The following WDR35 variants were observed in gnomAD, a reference collection of about 807,000 sequenced individuals.
WDR35 encodes the protein WD repeat-containing protein 35.
A neutral mutation model predicts 158.3 loss-of-function variants in WDR35; 118 were observed. The observed-to-expected ratio is 0.75, with a 90% CI of 0.64 to 0.87. WDR35 has a LOEUF of 0.87. Ranked by LOEUF, WDR35 falls within the 40% of genes least tolerant of loss-of-function variation. WDR35 has a pLI of 0.00. For missense variants in WDR35, 1,263 were observed against 1,405.8 expected (o/e 0.90, Z 1.62); for synonymous variants, 448 against 476.1 (o/e 0.94, Z 0.77).
intron 10 of WDR35, 134 bp from the exon 11 acceptor site, chr2:19,960,748 C>T (rs1425378316): frequency 3.0e-6 from 2 of 660,192 alleles, no homozygotes; most frequent in Non-Finnish European, 5.2e-6. Flanking sequence ...CTGTTACGTG[C>T]AAAAAATAGC....
chr2:19,930,685 T>C, intron 24 of WDR35, 133 bp from the exon 25 acceptor site: 1 of 1,347,492 alleles, frequency 7.4e-7, no homozygotes, highest in Non-Finnish European at 1.0e-6. Context: ...ACAGACTTTT[T>C]TTTTTAAGAG....
At chr2:19,963,537 G>A (rs562532273) in intron 10 of WDR35, among the ~76,000 whole-genome samples, 1 of 151,982 alleles carries the variant, frequency 6.6e-6, no homozygotes, top group Non-Finnish European at 1.5e-5. Context: ...TGACTCACTG[G>A]ACACACTGCA....
At chr2:19,989,522 CAG>C (rs1326441926) in intron 1 of WDR35, among the ~76,000 whole-genome samples, 3 of 152,218 alleles carry the variant, frequency 2.0e-5, no homozygotes. Context: ...AAGCCAACGC[CAG>C]AGTCTCACCG....
chr2:19,984,487 A>G (rs188360952), intron 2 of WDR35, among the ~76,000 whole-genome samples: 172 of 152,360 alleles, frequency 1.1e-3, no homozygotes, highest in Non-Finnish European at 1.8e-3. Flanking sequence ...CTAAAAGCAC[A>G]TAACAGTAAT....
intron 25 of WDR35, among the ~76,000 whole-genome samples, chr2:19,925,349 T>A (rs1446107720): frequency 1.3e-5 from 2 of 152,130 alleles, no homozygotes; most frequent in African/African-American, 4.8e-5. Context: ...CTGCCATATG[T>A]GGGAATGGGG....
At chr2:19,950,969 CTATT>C (rs894590221) in intron 13 of WDR35, among the ~76,000 whole-genome samples, 2 of 152,182 alleles carry the variant, frequency 1.3e-5, no homozygotes, top group African/African-American at 4.8e-5. Context: ...ATTTCAAAAA[CTATT>C]TACTGAAATA....
At position 19,938,827 on chromosome 2, in the gene WDR35, G is replaced by A. The variant is rs185052963; in HGVS notation, c.1927-426C>T. ...TCTCCTGCTTCAGAATTTTGAACAGGTGTACCATCCTGACTGAATCACAGC... is the reference window on the plus strand; with the variant it reads ...TCTCCTGCTTCAGAATTTTGAACAGATGTACCATCCTGACTGAATCACAGC... On this transcript the variant is annotated intron_variant, in intron 17 of 26. Transcript: ENST00000281405. Among the ~76,000 whole-genome samples, 338 of 152,190 alleles carry A rather than the reference G, an allele frequency of 2.2e-3. 1 individual carries two copies. Among genetic ancestry groups the A allele is most frequent in the African/African-American group, 7.8e-3 (324 of 41,520 alleles).
At chr2:19,913,758 T>C in intron 26 of WDR35, 50 bp from the exon 27 acceptor site, 1 of 1,611,362 alleles carries the variant, frequency 6.2e-7, no homozygotes, top group Non-Finnish European at 8.5e-7. Flanking sequence ...TTCTCATTAG[T>C]CTAACTTTAT....
chr2:19,964,884 A>G (rs1671799053), intron 10 of WDR35, among the ~76,000 whole-genome samples: 2 of 152,002 alleles, frequency 1.3e-5, no homozygotes, highest in Admixed American at 6.6e-5. Context: ...TATGGATGTA[A>G]TATCTCTTAA....
chr2:19,952,061 A>T (rs1277528988), intron 12 of WDR35: 4 of 152,904 alleles, frequency 2.6e-5, no homozygotes, highest in Non-Finnish European at 5.8e-5. Flanking sequence ...CAGTTCTGTT[A>T]TATGGATATA....
chr2:19,962,421 C>T (rs1671692487), intron 10 of WDR35: 8 of 1,224,736 alleles, frequency 6.5e-6, no homozygotes, highest in South Asian at 2.5e-5. Flanking sequence ...GGCTTATATA[C>T]AAATAATCAT....
At position 19,911,668 on chromosome 2, in the gene WDR35, G is replaced by A. The variant is rs1271817270; in HGVS notation, c.*1890C>T. ...GGAGACTTATTAGGCAAAGTTAATAGAGCGTGTATGTGTGACCACAGATAG... is the reference window on the plus strand; with the variant it reads ...GGAGACTTATTAGGCAAAGTTAATAAAGCGTGTATGTGTGACCACAGATAG... On this transcript the variant is annotated 3_prime_UTR_variant, in exon 27 of 27. Transcript: ENST00000281405. 1.3e-5 allele frequency: 2 copies of A among 152,220 alleles called. No individual in the cohort carries two copies. The highest frequency in any genetic ancestry group is 4.8e-5 in the African/African-American group (2 of 41,452). The allele number at this position is 152,220 out of a possible 1,614,324, so 9.4% of individuals were successfully genotyped here.
intron 10 of WDR35, chr2:19,962,313 C>T (rs1234162564): frequency 1.2e-6 from 2 of 1,613,068 alleles, no homozygotes; most frequent in East Asian, 2.2e-5. Context: ...CAAATGTCTC[C>T]ATCTCGTTCT....
At chr2:19,979,875 TAAAACAGCACACATGAACTTTTC>T (rs1188425350) in intron 4 of WDR35, among the ~76,000 whole-genome samples, 4 of 152,134 alleles carry the variant, frequency 2.6e-5, no homozygotes, top group South Asian at 4.1e-4. Context: ...CCCTGCCATT[TAAAACAGCACACATGAACTTTTC>T]AAAACAGCAC....
chr2:19,940,208 A>C (rs868144268), intron 17 of WDR35, among the ~76,000 whole-genome samples: 404 of 142,094 alleles, frequency 2.8e-3, no homozygotes, highest in African/African-American at 9.7e-3. Context: ...AAAAAAAAAA[A>C]CACAAAAAAT....
chr2:19,961,481 A>C (rs959371061), intron 10 of WDR35, among the ~76,000 whole-genome samples: 4 of 152,362 alleles, frequency 2.6e-5, no homozygotes, highest in African/African-American at 9.6e-5. Flanking sequence ...CACCCAGATC[A>C]GCTGCACACA....
chr2:19,946,411 C>G (rs764842430), intron 15 of WDR35, 50 bp downstream of exon 15: 1 of 1,440,262 alleles, frequency 6.9e-7, no homozygotes. Flanking sequence ...ACAATCCCAA[C>G]TGATCATTTC....
chr2:19,945,296 G>T (rs1311660862), intron 16 of WDR35, among the ~76,000 whole-genome samples: 1 of 152,080 alleles, frequency 6.6e-6, no homozygotes. Flanking sequence ...GAATATCTGG[G>T]TTAAGAAAGA....
chr2:19,959,254 T>C (rs1671552677), intron 11 of WDR35, among the ~76,000 whole-genome samples: 1 of 151,838 alleles, frequency 6.6e-6, no homozygotes, highest in South Asian at 2.1e-4. Flanking sequence ...AAAAAAACAG[T>C]CTACTTGTGA....
Sources: gnomAD v4.1 joint callset for allele counts (sites outside exome capture counted in the v4.1 genomes callset) on GRCh38, gnomAD v4.1.1 for gene constraint, MANE v1.5 for transcripts, NCBI Gene and HGNC (gene_info 2026-07-23, HGNC 2026-07-21) for gene names.